The following SYN3 variants were observed in gnomAD, a reference collection of about 807,000 sequenced individuals.
The protein encoded by SYN3 is synapsin III, also known as synapsin-3.
In SYN3, 35 loss-of-function variants were observed where a neutral mutation model predicts 65.8. The observed-to-expected ratio is 0.53, with a 90% CI of 0.41 to 0.70. SYN3 has a LOEUF of 0.70. SYN3 is among the 30% of genes least tolerant of loss of function. SYN3 has a pLI of 0.00. For missense variants in SYN3, 680 were observed against 749.0 expected, an observed-to-expected ratio of 0.91 and a Z score of 1.08; for synonymous variants, 270 against 292.9, an observed-to-expected ratio of 0.92 and a Z score of 0.80.
intron 6 of SYN3, among the ~76,000 whole-genome samples, chr22:32,789,706 G>A (rs1433885711): frequency 6.6e-6 from 1 of 152,196 alleles, no homozygotes; most frequent in Non-Finnish European, 1.5e-5. Flanking sequence ...AAAATTTGTT[G>A]AGGACCTACT....
At chr22:32,848,750 T>C (rs1204630319) in intron 6 of SYN3, among the ~76,000 whole-genome samples, 1 of 152,228 alleles carries the variant, frequency 6.6e-6, no homozygotes, top group Non-Finnish European at 1.5e-5. Context: ...GAAACAAAGT[T>C]ACTTACTTGC....
intron 6 of SYN3, among the ~76,000 whole-genome samples, chr22:32,796,604 G>A (rs1217110554): frequency 1.3e-5 from 2 of 152,156 alleles, no homozygotes; most frequent in South Asian, 2.1e-4. Flanking sequence ...CAGCCCCACT[G>A]AGGGTCTGGC....
In SYN3 at chr22:32,618,228, C is replaced by A. The variant is rs80024275; in HGVS notation, c.712-21492G>T. On this transcript the variant is annotated intron_variant, in intron 6 of 13. Transcript: ENST00000358763. ...GTAGAGTAGCCCCTCAATAAATGTT[C>A]GGGAGCCAAACTGAGCTCGTGTGAA... Among the ~76,000 whole-genome samples the A allele has an allele frequency of 2.4e-3, 363 of 152,206 alleles. 2 individuals carry two copies. The highest frequency in any genetic ancestry group is 8.6e-3 in the African/African-American group (359 of 41,526).
intron 3 of SYN3, among the ~76,000 whole-genome samples, chr22:32,966,286 T>C (rs917714913): frequency 6.6e-6 from 1 of 152,130 alleles, no homozygotes; most frequent in Admixed American, 6.6e-5. Context: ...TTGAAGAATC[T>C]ATGGCAAAAT....
intron 6 of SYN3, among the ~76,000 whole-genome samples, chr22:32,672,073 T>G (rs2060379230): frequency 6.6e-6 from 1 of 152,186 alleles, no homozygotes; most frequent in Non-Finnish European, 1.5e-5. Context: ...TCTAAACAAC[T>G]ATGAGAGACT....
At chr22:32,576,492 C>T (rs562964816) in intron 7 of SYN3, among the ~76,000 whole-genome samples, 11 of 152,248 alleles carry the variant, frequency 7.2e-5, no homozygotes, top group Admixed American at 5.2e-4. Flanking sequence ...AATAAATACA[C>T]GGTTTATGAT....
At chr22:32,884,838 C>T (rs7284584) in intron 4 of SYN3, among the ~76,000 whole-genome samples, 1,786 of 152,258 alleles carry the variant, frequency 0.012, 36 homozygotes, top group African/African-American at 0.041. Flanking sequence ...GATCACGCCA[C>T]TGCACTCCAG....
chr22:32,926,292 A>T (rs5998659), intron 4 of SYN3, among the ~76,000 whole-genome samples: 108,864 of 152,084 alleles, frequency 0.72, 39,322 homozygotes, highest in African/African-American at 0.8. Flanking sequence ...TTTTTATAGT[A>T]CTTGTGTGCA....
At chr22:33,008,954 A>G (rs1215274584) in intron 1 of SYN3, among the ~76,000 whole-genome samples, 1 of 141,026 alleles carries the variant, frequency 7.1e-6, no homozygotes, top group African/African-American at 2.8e-5. Flanking sequence ...AAAAAAAAAA[A>G]AAAAAAAAAG....
At chr22:32,871,838 G>C (rs2048857475) in intron 4 of SYN3, among the ~76,000 whole-genome samples, 1 of 151,946 alleles carries the variant, frequency 6.6e-6, no homozygotes, top group Non-Finnish European at 1.5e-5. Context: ...CTGTTACCCA[G>C]GTTGGTCTTG....
At chr22:32,679,309 C>T (rs1451151983) in intron 6 of SYN3, among the ~76,000 whole-genome samples, 3 of 132,314 alleles carry the variant, frequency 2.3e-5, no homozygotes, top group African/African-American at 8.7e-5. Context: ...TCTCGGTCTC[C>T]CAAAGTGTTG....
chr22:32,945,975 A>T (rs2051096079), intron 3 of SYN3, among the ~76,000 whole-genome samples: 1 of 152,224 alleles, frequency 6.6e-6, no homozygotes, highest in Non-Finnish European at 1.5e-5. Context: ...AGAAATGCAA[A>T]TCAAAACCAC....
chr22:32,531,931 A>G (rs187948295), intron 10 of SYN3, among the ~76,000 whole-genome samples: 1 of 150,482 alleles, frequency 6.6e-6, no homozygotes, highest in Non-Finnish European at 1.5e-5. Flanking sequence ...TTTAATGTGA[A>G]AGGTCTTTCA....
intron 6 of SYN3, among the ~76,000 whole-genome samples, chr22:32,677,134 T>C (rs1196995418): frequency 2.6e-5 from 4 of 152,184 alleles, no homozygotes; most frequent in Non-Finnish European, 4.4e-5. Flanking sequence ...GATAACGCTG[T>C]TCCTATCCTG....
In SYN3 at chr22:32,946,772, G is replaced by GC. The variant is rs572777303; in HGVS notation, c.370-15292dup. Among the ~76,000 whole-genome samples, 26 of 152,280 alleles carry GC rather than the reference G, an allele frequency of 1.7e-4. No homozygotes were observed. The East Asian group carries it at 4.8e-3, about 28-fold the overall frequency. On this transcript the variant is annotated intron_variant, in intron 3 of 13. Transcript: ENST00000358763. The stretch of plus-strand genomic sequence containing the variant: ...ATTGCTTTAGTAAATGAAGATGGCT[G>GC]CATGTAATTCTGATTGTTTTAGGGG...
At chr22:32,746,305 T>C (rs2044931982) in intron 6 of SYN3, among the ~76,000 whole-genome samples, 1 of 152,204 alleles carries the variant, frequency 6.6e-6, no homozygotes, top group African/African-American at 2.4e-5. Context: ...GTTGGTCTGA[T>C]TGGAAATGGA....
At chr22:32,772,686 T>G (rs2045805630) in intron 6 of SYN3, among the ~76,000 whole-genome samples, 1 of 152,018 alleles carries the variant, frequency 6.6e-6, no homozygotes, top group Non-Finnish European at 1.5e-5. Flanking sequence ...GAGGGAGACT[T>G]AAGACAAAAA....
rs534663521 is a variant in SYN3, at chr22:32,981,588, C to CAATAAT, written c.312-892_312-887dup. Among the ~76,000 whole-genome samples, 854 of 149,968 alleles carry CAATAAT rather than the reference C, an allele frequency of 5.7e-3. 9 individuals are homozygous for CAATAAT. The highest frequency in any genetic ancestry group is 0.019 in the African/African-American group (765 of 40,808). On this transcript the variant is annotated intron_variant, in intron 2 of 13. Coordinates refer to ENST00000358763, the MANE Select transcript of SYN3 (RefSeq NM_003490.4). ...AACAAGAGCGAAACTCAGTCTCAAACAATAATAATAATAATAATAATAATA... is the reference window on the plus strand; with the variant it reads ...AACAAGAGCGAAACTCAGTCTCAAACAATAATAATAATAATAATAATAATAATAATA...
At chr22:32,753,747 G>C (rs181391854) in intron 6 of SYN3, among the ~76,000 whole-genome samples, 422 of 152,294 alleles carry the variant, frequency 2.8e-3, no homozygotes, top group Middle Eastern at 6.8e-3. Flanking sequence ...CAGACCAAGG[G>C]GTCACCCCAG....
Sources: gnomAD v4.1 joint callset for allele counts (sites outside exome capture counted in the v4.1 genomes callset) on GRCh38, gnomAD v4.1.1 for gene constraint, MANE v1.5 for transcripts, NCBI Gene and HGNC (gene_info 2026-07-23, HGNC 2026-07-21) for gene names.